Variants in ADCY5 observed in about 807,000 individuals in gnomAD.
The protein encoded by ADCY5 is adenylate cyclase type 5.
ADCY5 carries 30 observed loss-of-function variants against 119.7 expected under a neutral mutation model. The observed-to-expected ratio is 0.25, with a 90% CI of 0.19 to 0.34. The LOEUF (loss-of-function observed/expected upper bound fraction) is 0.34. Among genes scored for constraint, ADCY5 ranks in the 10% least tolerant of loss-of-function variants. The probability of loss-of-function intolerance (pLI) is 1.00; values close to 1 mark genes in which losing one functional copy is unlikely to be tolerated. For missense variants in ADCY5, 1,324 were observed against 1,775.2 expected (o/e 0.75, Z 4.57); for synonymous variants, 753 against 762.2 (o/e 0.99, Z 0.20).
At chr3:123,312,446 A>T (rs1290612467) in intron 12 of ADCY5, among the ~76,000 whole-genome samples, 1 of 151,224 alleles carries the variant, frequency 6.6e-6, no homozygotes, top group Non-Finnish European at 1.5e-5. Flanking sequence ...CGTACCATTC[A>T]GTGGCATTAA....
intron 1 of ADCY5, among the ~76,000 whole-genome samples, chr3:123,372,253 GC>G (rs965676615): frequency 5.3e-5 from 8 of 151,926 alleles, no homozygotes; most frequent in African/African-American, 1.7e-4. Context: ...TCAACCCCCA[GC>G]CCCAGGGACC....
chr3:123,405,161 C>T (rs143983361), intron 1 of ADCY5, among the ~76,000 whole-genome samples: 1 of 152,344 alleles, frequency 6.6e-6, no homozygotes, highest in African/African-American at 2.4e-5. Flanking sequence ...AGCAGCTCAG[C>T]GAAGGCCGGC....
rs1187106928 is a variant in ADCY5, at chr3:123,291,140, G to A, written c.3300C>T (p.Leu1100=). ...NNEGVECLRL[L]NEIIADFDEI... Reference sequence around the variant, plus strand: ...CATCAAAGTCAGCGATGATCTCATTGAGTAGCCGCAGGCACTCGACACCCT... The same window carrying A: ...CATCAAAGTCAGCGATGATCTCATTAAGTAGCCGCAGGCACTCGACACCCT... Residue 1100 remains leucine, a synonymous_variant, in exon 18 of 21, where the codon CTC becomes CTT. Coordinates refer to ENST00000462833, the MANE Select transcript of ADCY5 (RefSeq NM_183357.3). 2 of 1,613,734 alleles carry A rather than the reference G, an allele frequency of 1.2e-6. No individual in the cohort carries two copies. Among genetic ancestry groups the A allele is most frequent in the African/African-American group, 2.7e-5 (2 of 74,902 alleles).
At chr3:123,318,394 TAC>T (rs1280653960) in intron 10 of ADCY5, among the ~76,000 whole-genome samples, 4 of 152,110 alleles carry the variant, frequency 2.6e-5, no homozygotes. Flanking sequence ...ATCATGGCTG[TAC>T]ATGACTGCAT....
At position 123,286,661 on chromosome 3, in the gene ADCY5, G is replaced by T; in HGVS notation, c.3657+24C>A. 6.3e-7 allele frequency: 1 copy of T among 1,588,508 alleles called. No homozygotes were observed. Among genetic ancestry groups the T allele is most frequent in the Non-Finnish European group, 8.6e-7 (1 of 1,169,142 alleles). On this transcript the variant is annotated intron_variant, in intron 20 of 20. Transcript: ENST00000462833. This position sits in a 1 kb window ranked among gnomAD's most constrained non-coding sequence, Gnocchi z 4.2. ...ACACAGGACCTCCCATGGGGTGAGG[G>T]GTGGTGGATGCTCCTGCACTCACCT...
chr3:123,387,655 T>C (rs1214558433), intron 1 of ADCY5, among the ~76,000 whole-genome samples: 1 of 152,220 alleles, frequency 6.6e-6, no homozygotes, highest in Admixed American at 6.5e-5. Context: ...AGGGAAATAG[T>C]AACCCCCCTT....
chr3:123,397,658 G>T (rs986817170), intron 1 of ADCY5, among the ~76,000 whole-genome samples: 4 of 152,238 alleles, frequency 2.6e-5, no homozygotes, highest in African/African-American at 9.6e-5. Flanking sequence ...CTCATGTCTG[G>T]AAGTTCTTCC....
intron 1 of ADCY5, among the ~76,000 whole-genome samples, chr3:123,416,980 C>G (rs141601373): frequency 1.1e-3 from 168 of 152,296 alleles, no homozygotes; most frequent in Non-Finnish European, 1.9e-3. Flanking sequence ...AAGGGAGAAT[C>G]CTCATCCGAC....
intron 12 of ADCY5, among the ~76,000 whole-genome samples, chr3:123,304,459 G>C (rs1480362907): frequency 1.3e-5 from 2 of 152,140 alleles, no homozygotes; most frequent in African/African-American, 4.8e-5. Context: ...CAGGAAAGAT[G>C]GTATCTTGAC....
rs1307385093 is a variant in ADCY5, at chr3:123,448,948, G to GT, written c.-404dup. 5.9e-6 allele frequency: 1 copy of GT among 170,722 alleles called. No homozygotes were observed. Among genetic ancestry groups the GT allele is most frequent in the African/African-American group, 2.4e-5 (1 of 42,188 alleles). 10.6% of individuals were successfully genotyped at this position (170,722 alleles called of 1,614,324 possible). A position where few individuals can be genotyped will look rare whatever the true frequency, so the allele number is the denominator to read the frequency against. The stretch of plus-strand genomic sequence containing the variant: ...CGGGCGGTGCCTCCTCGGGCCGGCA[G>GT]TGCCCGGGCGCGGCGCTCGCTGATT... On this transcript the variant is annotated 5_prime_UTR_variant, in exon 1 of 21. Transcript: ENST00000462833.
intron 1 of ADCY5, among the ~76,000 whole-genome samples, chr3:123,375,329 C>T (rs905241067): frequency 3.9e-5 from 6 of 152,228 alleles, no homozygotes; most frequent in African/African-American, 9.6e-5. Flanking sequence ...CCTCAGTGGA[C>T]GACAAACAGA....
At chr3:123,430,663 C>G (rs995840687) in intron 1 of ADCY5, among the ~76,000 whole-genome samples, 1 of 152,226 alleles carries the variant, frequency 6.6e-6, no homozygotes, top group African/African-American at 2.4e-5. Context: ...CCCCAGATAA[C>G]CCCTTTCCAA....
intron 1 of ADCY5, among the ~76,000 whole-genome samples, chr3:123,367,562 C>T (rs1038398791): frequency 2.0e-5 from 3 of 152,192 alleles, no homozygotes; most frequent in Non-Finnish European, 4.4e-5. Context: ...CCTCCTCTCC[C>T]GGAATATCAG....
intron 1 of ADCY5, among the ~76,000 whole-genome samples, chr3:123,439,415 G>GA (rs36088664): frequency 0.98 from 148,744 of 152,004 alleles, 72,859 homozygotes; most frequent in Middle Eastern, 1. Flanking sequence ...AATAAGGAAA[G>GA]AAAAAAATCA....
chr3:123,367,818 C>G, intron 1 of ADCY5: 2 of 1,499,744 alleles, frequency 1.3e-6, no homozygotes, highest in Non-Finnish European at 1.8e-6. Flanking sequence ...TTCCTCACCT[C>G]TGGGGCTCAT....
At chr3:123,357,687 A>G (rs1321880248) in intron 1 of ADCY5, among the ~76,000 whole-genome samples, 1 of 152,166 alleles carries the variant, frequency 6.6e-6, no homozygotes, top group East Asian at 1.9e-4. Flanking sequence ...CTGAAAGTGA[A>G]AAAGAGATTA....
chr3:123,440,834 C>T (rs910318157), intron 1 of ADCY5, among the ~76,000 whole-genome samples: 1 of 152,144 alleles, frequency 6.6e-6, no homozygotes, highest in African/African-American at 2.4e-5. Flanking sequence ...GGGATTGGGG[C>T]GAGGGGGCAA....
chr3:123,308,279 C>T (rs1046677927), intron 12 of ADCY5, among the ~76,000 whole-genome samples: 1 of 151,674 alleles, frequency 6.6e-6, no homozygotes, highest in African/African-American at 2.4e-5. Flanking sequence ...CCTCGTGATC[C>T]GCCCGCCTCA....
chr3:123,329,503 G>C lies in ADCY5; in HGVS notation c.1647-701C>G, dbSNP rs1017390186. ...CTGGGCGAGCAGTGGAGGCAGACTG[G>C]GAAGGAAGCCATACATCTCCAGGTG... is the stretch of plus-strand genomic sequence containing the variant. On this transcript the variant is annotated intron_variant, in intron 5 of 20. Coordinates refer to ENST00000462833, the MANE Select transcript of ADCY5 (RefSeq NM_183357.3). Among the ~76,000 whole-genome samples the C allele has an allele frequency of 7.9e-5, 12 of 152,186 alleles. No individual in the cohort carries two copies. The East Asian group carries it at 2.3e-3, about 29-fold the overall frequency.
Sources: allele counts gnomAD v4.1 joint callset (sites outside exome capture counted in the v4.1 genomes callset), GRCh38; gene constraint gnomAD v4.1.1; non-coding constraint Gnocchi (gnomAD v3.1); transcripts MANE v1.5; gene names NCBI Gene and HGNC (gene_info 2026-07-23, HGNC 2026-07-21).